The following AGFG2 variants were observed in gnomAD, a reference collection of about 807,000 sequenced individuals.
AGFG2 encodes arf-GAP domain and FG repeat-containing protein 2.
A neutral mutation model predicts 48.0 loss-of-function variants in AGFG2; 31 were observed. That is an observed-to-expected ratio of 0.65 (90% CI 0.49 to 0.87). AGFG2 has a LOEUF of 0.87. AGFG2 is among the 40% of genes least tolerant of loss of function. The probability of loss-of-function intolerance (pLI) is 0.00; values close to 1 mark genes in which losing one functional copy is unlikely to be tolerated. For missense variants in AGFG2, 599 were observed against 632.6 expected (o/e 0.95, Z 0.57); for synonymous variants, 229 against 260.8 (o/e 0.88, Z 1.18).
rs373325102 is a variant in AGFG2, at chr7:100,565,810, G to C, written c.*819G>C. 3.3e-5 allele frequency: 5 copies of C among 152,326 alleles called. No individual in the cohort carries two copies. The highest frequency in any genetic ancestry group is 4.1e-4 in the South Asian group (2 of 4,828). The allele number at this position is 152,326 out of a possible 1,614,324, so 9.4% of individuals were successfully genotyped here. On this transcript the variant is annotated 3_prime_UTR_variant, in exon 12 of 12. Transcript: ENST00000300176. Reference sequence around the variant, plus strand: ...AAAGCCGGAGCTCCAGGGCTGGAGGGGGGGCAGCCATGTGTCCTGACCCCC... The same window carrying C: ...AAAGCCGGAGCTCCAGGGCTGGAGGCGGGGCAGCCATGTGTCCTGACCCCC...
chr7:100,542,922 A>G (rs1800447806), intron 1 of AGFG2, among the ~76,000 whole-genome samples: 1 of 152,136 alleles, frequency 6.6e-6, no homozygotes, highest in African/African-American at 2.4e-5. Flanking sequence ...ATAAGTTCCC[A>G]TTTTCACGGA....
In AGFG2 at chr7:100,567,191, C is replaced by CT. The variant is rs1471777453; in HGVS notation, c.*2200_*2201insT. 2.6e-5 allele frequency: 4 copies of CT among 152,586 alleles called. No homozygotes were observed. Among genetic ancestry groups the CT allele is most frequent in the African/African-American group, 9.7e-5 (4 of 41,442 alleles). The allele number at this position is 152,586 out of a possible 1,614,324, so 9.5% of individuals were successfully genotyped here. On this transcript the variant is annotated 3_prime_UTR_variant, in exon 12 of 12. Coordinates refer to ENST00000300176, the MANE Select transcript of AGFG2 (RefSeq NM_006076.5). ...GCCTCGGGCCCCAGGGTTCCCTGGG[C>CT]ACAGGCTGACACTAGGAGCTGCTCT...
At position 100,556,496 on chromosome 7, in the gene AGFG2, C is replaced by T. The variant is rs1036773283; in HGVS notation, c.877+761C>T. 1.6e-5 allele frequency: 17 copies of T among 1,088,110 alleles called. 1 individual carries two copies. The African/African-American group carries it at 2.0e-4, about 13-fold the overall frequency. 67.4% of individuals were successfully genotyped at this position (1,088,110 alleles called of 1,614,324 possible). On this transcript the variant is annotated intron_variant, in intron 6 of 11. Coordinates refer to ENST00000300176, the MANE Select transcript of AGFG2 (RefSeq NM_006076.5). ...CACATGGGAGGGCAGCTGCAGTGCTCGCCGTCAGGCTCAGATGTCTGGGGA... is the reference window on the plus strand; with the variant it reads ...CACATGGGAGGGCAGCTGCAGTGCTTGCCGTCAGGCTCAGATGTCTGGGGA...
chr7:100,544,495 G>C (rs1022036274), intron 1 of AGFG2, among the ~76,000 whole-genome samples: 31 of 152,076 alleles, frequency 2.0e-4, no homozygotes, highest in African/African-American at 6.8e-4. Context: ...CAATAATTCA[G>C]TACTTTTCCA....
At chr7:100,559,892 T>TTGAGAGAATGCACCCTC (rs1199251756) in intron 6 of AGFG2, among the ~76,000 whole-genome samples, 1 of 151,646 alleles carries the variant, frequency 6.6e-6, no homozygotes, top group African/African-American at 2.4e-5. Context: ...ACCGCCTCCT[T>TTGAGAGAATGCACCCTC]TGTGAGAATG....
intron 1 of AGFG2, among the ~76,000 whole-genome samples, chr7:100,544,542 CCT>C (rs990650620): frequency 1.3e-5 from 2 of 152,042 alleles, no homozygotes; most frequent in African/African-American, 4.8e-5. Context: ...GTACCTTGCC[CCT>C]GTTTTAGTCC....
intron 1 of AGFG2, among the ~76,000 whole-genome samples, chr7:100,543,763 G>T (rs1301637652): frequency 1.3e-5 from 2 of 152,188 alleles, no homozygotes; most frequent in Non-Finnish European, 2.9e-5. Context: ...AAAACCTACA[G>T]CGTTGGTGTG....
At chr7:100,554,384 G>A (rs546170476) in intron 5 of AGFG2, 126 bp downstream of exon 5, 20 of 1,239,558 alleles carry the variant, frequency 1.6e-5, no homozygotes, top group Non-Finnish European at 2.1e-5. Context: ...TCACTCTGAA[G>A]CAGTGAGGCT....
At chr7:100,548,291 G>A (rs1281420792) in intron 1 of AGFG2, among the ~76,000 whole-genome samples, 1 of 151,534 alleles carries the variant, frequency 6.6e-6, no homozygotes, top group Non-Finnish European at 1.5e-5. Context: ...TGTCTCTTTG[G>A]AGATTCTTTT....
intron 3 of AGFG2, 35 bp from the exon 4 acceptor site, chr7:100,553,312 C>T (rs545137523): frequency 1.2e-6 from 2 of 1,613,156 alleles, no homozygotes; most frequent in East Asian, 2.2e-5. Flanking sequence ...AAAGTTTTAT[C>T]CCTCTCTTTA....
chr7:100,565,337 C>G lies in AGFG2; in HGVS notation c.*346C>G. 1 of 324,650 alleles carries G rather than the reference C, an allele frequency of 3.1e-6. No individual in the cohort carries two copies. Among genetic ancestry groups the G allele is most frequent in the East Asian group, 7.1e-5 (1 of 14,024 alleles). The allele number at this position is 324,650 out of a possible 1,614,324, so 20.1% of individuals were successfully genotyped here. A position where few individuals can be genotyped will look rare whatever the true frequency, so the allele number is the denominator to read the frequency against. On this transcript the variant is annotated 3_prime_UTR_variant, in exon 12 of 12. Coordinates refer to ENST00000300176, the MANE Select transcript of AGFG2 (RefSeq NM_006076.5). ...TCGCCAGCGCTGTGCTCCTCATGGA[C>G]GGGAGCGCAGTGGGGAAGGTAGGGG... is the stretch of plus-strand genomic sequence containing the variant.
intron 1 of AGFG2, among the ~76,000 whole-genome samples, chr7:100,546,168 C>G (rs1248639248): frequency 2.0e-5 from 3 of 148,974 alleles, no homozygotes; most frequent in African/African-American, 5.0e-5. Flanking sequence ...CCGCCCCCCC[C>G]GCCCGCCACC....
intron 6 of AGFG2, among the ~76,000 whole-genome samples, chr7:100,561,396 G>A (rs1800868107): frequency 2.0e-5 from 3 of 152,110 alleles, no homozygotes. Flanking sequence ...GAAAGTATTG[G>A]GATTACAGGC....
In AGFG2 at chr7:100,554,095, C is replaced by T. The variant is rs754504227; in HGVS notation, c.588C>T (p.Pro196=). Residue 196 remains proline (P), a splice_region_variant and synonymous_variant, in exon 5 of 12, where the codon CCC becomes CCT. Transcript: ENST00000300176. ...LSVAASTSSQ[P]VSQSHARTSQ... is the part of the protein sequence containing the mutation. The stretch of plus-strand genomic sequence containing the variant: ...GTATGCATTCCTTCTCCTCCAAGCC[C>T]GTCAGTCAGTCTCACGCTCGGACAT... The T allele has an allele frequency of 4.3e-6, 7 of 1,612,622 alleles. No individual in the cohort carries two copies. Among genetic ancestry groups the T allele is most frequent in the East Asian group, 2.2e-5 (1 of 44,862 alleles).
Position 100,549,283 on chromosome 7 carries a change from T to C in AGFG2, c.315+368T>C, listed in dbSNP as rs112497187. Among the ~76,000 whole-genome samples the C allele has an allele frequency of 1.9e-3, 289 of 152,264 alleles. 2 individuals carry two copies. Among genetic ancestry groups the C allele is most frequent in the African/African-American group, 6.6e-3 (276 of 41,542 alleles). ...CTGCCTTCAGCCTCGACAACCTGGA[T>C]TTAAGTGCATATCTTGTACTGGAAA... is the stretch of plus-strand genomic sequence containing the variant. On this transcript the variant is annotated intron_variant, in intron 2 of 11. Transcript: ENST00000300176.
rs1353003937 is a variant in AGFG2 at position 100,548,811 on chromosome 7, C to T, written c.222-11C>T. On this transcript the variant is annotated splice_polypyrimidine_tract_variant and intron_variant, in intron 1 of 11. Transcript: ENST00000300176. Reference sequence around the variant, plus strand: ...ATTATACTTCTCTTTCTTCCTGTTTCTCTCCCATAGGAGAGGGCTGAACCC... The same window carrying T: ...ATTATACTTCTCTTTCTTCCTGTTTTTCTCCCATAGGAGAGGGCTGAACCC... 1.2e-6 allele frequency: 2 copies of T among 1,604,082 alleles called. No homozygotes were observed. The highest frequency in any genetic ancestry group is 1.7e-6 in the Non-Finnish European group (2 of 1,171,108).
intron 6 of AGFG2, among the ~76,000 whole-genome samples, chr7:100,558,907 G>C (rs1280660803): frequency 1.3e-5 from 2 of 152,024 alleles, no homozygotes; most frequent in Non-Finnish European, 2.9e-5. Context: ...AGGCTGAGTG[G>C]GGTGCATCAT....
Position 100,564,998 on chromosome 7 carries a change from GT to G in AGFG2, c.*12del. 6.2e-7 allele frequency: 1 copy of G among 1,614,084 alleles called. No individual in the cohort carries two copies. Among genetic ancestry groups the G allele is most frequent in the East Asian group, 2.2e-5 (1 of 44,888 alleles). ...CACCAACCCCTTCTTGTAGCACTGT[GT>G]TTTTGGGGGGCCTCTTCCCTGCCTT... On this transcript the variant is annotated 3_prime_UTR_variant, in exon 12 of 12. Transcript: ENST00000300176.
chr7:100,551,331 G>C (rs1800640285), intron 3 of AGFG2, among the ~76,000 whole-genome samples: 1 of 151,126 alleles, frequency 6.6e-6, no homozygotes, highest in Non-Finnish European at 1.5e-5. Context: ...GGCTCCCAAA[G>C]TGCTGGGATT....
Sources: gnomAD v4.1 joint callset for allele counts (sites outside exome capture counted in the v4.1 genomes callset) on GRCh38, gnomAD v4.1.1 for gene constraint, MANE v1.5 for transcripts, NCBI Gene and HGNC (gene_info 2026-07-23, HGNC 2026-07-21) for gene names.